Variants in MOV10L1 observed in about 807,000 individuals in gnomAD.
MOV10L1 encodes the protein RNA helicase Mov10l1.
In MOV10L1, 110 loss-of-function variants were observed where a neutral mutation model predicts 143.8. That is an observed-to-expected ratio of 0.76 (90% CI 0.66 to 0.90). The LOEUF is 0.90. MOV10L1 is among the 40% of genes least tolerant of loss of function. The probability of loss-of-function intolerance (pLI) is 0.00; values close to 1 mark genes in which losing one functional copy is unlikely to be tolerated. For missense variants in MOV10L1, 1,406 were observed against 1,526.8 expected, an observed-to-expected ratio of 0.92 and a Z score of 1.32; for synonymous variants, 593 against 581.1, an observed-to-expected ratio of 1.02 and a Z score of -0.29.
At chr22:50,108,027 A>G (rs1038097370) in intron 3 of MOV10L1, 109 bp from the exon 4 acceptor site, 9 of 970,522 alleles carry the variant, frequency 9.3e-6, no homozygotes, top group Non-Finnish European at 1.4e-5. Context: ...GTGCCTTTTA[A>G]ATGTTCAAAT....
intron 6 of MOV10L1, among the ~76,000 whole-genome samples, chr22:50,114,060 A>T: frequency 6.6e-6 from 1 of 150,840 alleles, no homozygotes; most frequent in African/African-American, 2.5e-5. Context: ...CTGGGACTAC[A>T]GGCGCCCGCC....
chr22:50,090,242 A>G (rs983561640), intron 1 of MOV10L1, 57 bp downstream of exon 1: 3 of 1,402,532 alleles, frequency 2.1e-6, no homozygotes, highest in African/African-American at 3.0e-5. Flanking sequence ...GTCGGCCACG[A>G]GGGAGCCGCG....
chr22:50,127,698 C>A (rs1228948989), intron 12 of MOV10L1, among the ~76,000 whole-genome samples: 1 of 152,208 alleles, frequency 6.6e-6, no homozygotes, highest in Non-Finnish European at 1.5e-5. Flanking sequence ...AAAGAATATG[C>A]AGAACTGATC....
chr22:50,120,697 C>G (rs1291672823), intron 10 of MOV10L1, 81 bp downstream of exon 10: 1 of 992,584 alleles, frequency 1.0e-6, no homozygotes, highest in East Asian at 2.4e-5. Flanking sequence ...GGTTCCTTCT[C>G]AGGTTCAGAC....
chr22:50,094,221 T>A (rs2062529429), intron 2 of MOV10L1: 1 of 152,184 alleles, frequency 6.6e-6, no homozygotes, highest in South Asian at 2.1e-4. Flanking sequence ...TTTCCATATG[T>A]CTGTCCATTT....
In MOV10L1 at chr22:50,125,566, G is replaced by T. The variant is rs774122746; in HGVS notation, c.1744G>T (p.Ala582Ser). 2 of 1,613,838 alleles carry T rather than the reference G, an allele frequency of 1.2e-6. No individual in the cohort carries two copies. Among genetic ancestry groups the T allele is most frequent in the Non-Finnish European group, 1.7e-6 (2 of 1,179,878 alleles). Residue 582 changes from alanine to serine, a missense_variant, in exon 11 of 27, where the codon GCA becomes TCA. Ala to Ser is a moderately conservative substitution (Grantham distance 99). Transcript: ENST00000262794. ...GLAEGRPSLY[A>S]GDKLILKTQE... Reference sequence around the variant, plus strand: ...GGCCGAAGGGAGGCCTTCTCTCTACGCAGGTGTGTTTGTTACTCATATGCT... The same window carrying T: ...GGCCGAAGGGAGGCCTTCTCTCTACTCAGGTGTGTTTGTTACTCATATGCT...
At chr22:50,144,594 T>A (rs201505542) in intron 18 of MOV10L1, among the ~76,000 whole-genome samples, 1 of 152,174 alleles carries the variant, frequency 6.6e-6, no homozygotes, top group Non-Finnish European at 1.5e-5. Flanking sequence ...TTTGTTTTTT[T>A]TTTTTGAGAC....
intron 3 of MOV10L1, among the ~76,000 whole-genome samples, chr22:50,107,080 TTTC>T: frequency 6.6e-6 from 1 of 151,270 alleles, no homozygotes; most frequent in Non-Finnish European, 1.5e-5. Context: ...TTTTCTTTCT[TTTC>T]TTTTTTTTTG....
Position 50,130,363 on chromosome 22 carries a change from T to G in MOV10L1, c.1910+1856T>G, listed in dbSNP as rs926644242. 5.3e-5 allele frequency among the ~76,000 whole-genome samples: 8 copies of G among 152,332 alleles called. No individual in the cohort carries two copies. In the South Asian group the frequency reaches 1.4e-3, roughly 28 times the overall value. ...TAATATAGTCAAATTTATCAAATTTTTTTTAATATTAGTGCTTTTTATGTC... is the reference window on the plus strand; with the variant it reads ...TAATATAGTCAAATTTATCAAATTTGTTTTAATATTAGTGCTTTTTATGTC... On this transcript the variant is annotated intron_variant, in intron 13 of 26. Coordinates refer to ENST00000262794, the MANE Select transcript of MOV10L1 (RefSeq NM_018995.3).
chr22:50,146,509 T>C (rs913737674), intron 19 of MOV10L1, among the ~76,000 whole-genome samples: 8 of 152,094 alleles, frequency 5.3e-5, no homozygotes, highest in Admixed American at 1.3e-4. Context: ...TCCCTCTCAG[T>C]GCATAGAGCC....
At chr22:50,117,061 TAACTC>T in intron 8 of MOV10L1, 91 bp from the exon 9 acceptor site, 2 of 1,162,284 alleles carry the variant, frequency 1.7e-6, no homozygotes, top group Non-Finnish European at 2.4e-6. Flanking sequence ...AGATGAGTCT[TAACTC>T]TGTCACTTTT....
At position 50,101,961 on chromosome 22, in the gene MOV10L1, C is replaced by T. The variant is rs141245042; in HGVS notation, c.442+2359C>T. On this transcript the variant is annotated intron_variant, in intron 3 of 26. Coordinates refer to ENST00000262794, the MANE Select transcript of MOV10L1 (RefSeq NM_018995.3). ...GCCCCTCAACCCTGCTAACAGGAAG[C>T]CCCTCTCAGGGGTGTCGCCAGGAAA... 7.2e-5 allele frequency among the ~76,000 whole-genome samples: 11 copies of T among 152,286 alleles called. No individual in the cohort carries two copies. The East Asian group carries it at 2.1e-3, about 29-fold the overall frequency.
At chr22:50,146,700 G>A (rs796973747) in intron 19 of MOV10L1, among the ~76,000 whole-genome samples, 25 of 152,230 alleles carry the variant, frequency 1.6e-4, no homozygotes, top group African/African-American at 3.6e-4. Flanking sequence ...CCAGCGTCAC[G>A]GTGGTCGTGA....
intron 9 of MOV10L1, 90 bp from the exon 10 acceptor site, chr22:50,120,412 C>T (rs2062305264): frequency 1.2e-6 from 1 of 834,324 alleles, no homozygotes; most frequent in Non-Finnish European, 2.0e-6. Context: ...CTTTGGTCTT[C>T]CTAAAATAGG....
chr22:50,153,343 A>C, intron 22 of MOV10L1, 125 bp downstream of exon 22: 1 of 1,190,800 alleles, frequency 8.4e-7, no homozygotes. Context: ...TGGTCTCCAG[A>C]GAGTGAAAAG....
At chr22:50,125,930 G>A (rs2062489167) in intron 11 of MOV10L1, among the ~76,000 whole-genome samples, 1 of 151,442 alleles carries the variant, frequency 6.6e-6, no homozygotes, top group Non-Finnish European at 1.5e-5. Flanking sequence ...TGGAACTACA[G>A]GCGCCCGCCA....
intron 10 of MOV10L1, among the ~76,000 whole-genome samples, chr22:50,120,954 G>A (rs763277045): frequency 6.6e-6 from 1 of 152,214 alleles, no homozygotes; most frequent in Non-Finnish European, 1.5e-5. Context: ...AGCAAGAAGT[G>A]TTCTAGCCTT....
chr22:50,109,804 C>T (rs995763313), intron 5 of MOV10L1: 2 of 155,602 alleles, frequency 1.3e-5, no homozygotes, highest in Middle Eastern at 8.5e-4. Flanking sequence ...ATCGTGCTAC[C>T]GCACTCTAGC....
At chr22:50,133,697 C>G (rs112488066) in intron 13 of MOV10L1, among the ~76,000 whole-genome samples, 2 of 152,008 alleles carry the variant, frequency 1.3e-5, no homozygotes. Context: ...TGCACCACCA[C>G]TATGCCTGGC....
Sources: allele counts gnomAD v4.1 joint callset (sites outside exome capture counted in the v4.1 genomes callset), GRCh38; gene constraint gnomAD v4.1.1; transcripts MANE v1.5; gene names NCBI Gene and HGNC (gene_info 2026-07-23, HGNC 2026-07-21).